Variants in HFM1 observed in about 807,000 individuals in gnomAD.
HFM1 encodes the protein helicase for meiosis 1, also known as probable ATP-dependent DNA helicase HFM1.
A neutral mutation model predicts 192.1 loss-of-function variants in HFM1; 169 were observed. The observed-to-expected ratio is 0.88, with a 90% CI of 0.78 to 1.00. HFM1 has a LOEUF of 1.00. Ranked by LOEUF, HFM1 falls within the 50% of genes least tolerant of loss-of-function variation. The probability of loss-of-function intolerance (pLI) is 0.00; values close to 1 mark genes in which losing one functional copy is unlikely to be tolerated. For missense variants in HFM1, 1,661 were observed against 1,668.0 expected, an observed-to-expected ratio of 1.00 and a Z score of 0.07; for synonymous variants, 525 against 537.8, an observed-to-expected ratio of 0.98 and a Z score of 0.33.
intron 36 of HFM1, 72 bp downstream of exon 36, chr1:91,265,945 A>G: frequency 6.4e-7 from 1 of 1,554,934 alleles, no homozygotes; most frequent in South Asian, 1.2e-5. Context: ...TAATAACTTG[A>G]TCCCCATCTC....
intron 38 of HFM1, 36 bp downstream of exon 38, chr1:91,262,205 T>G: frequency 1.2e-5 from 12 of 966,756 alleles, no homozygotes; most frequent in Non-Finnish European, 1.8e-5. Context: ...AGTTTTTTAT[T>G]GATATAATCT....
chr1:91,283,703 T>G (rs1667672072), intron 30 of HFM1, among the ~76,000 whole-genome samples: 1 of 152,148 alleles, frequency 6.6e-6, no homozygotes, highest in Non-Finnish European at 1.5e-5. Context: ...TAAAGTAAAT[T>G]TATTAATAAT....
In HFM1 at chr1:91,401,024, T is replaced by C. The variant is rs1382373708; in HGVS notation, c.59A>G (p.Asp20Gly). ...AAGGGAGACTTACTTTTCAACTTCA[T>C]CTGGTTTTTCAAAAAACAAATTTTC... ...SLENLFFEKP[D>G]EVENHPDNEK... Residue 20 changes from aspartate to glycine, a missense_variant, in exon 2 of 39, where the codon GAT becomes GGT. Asp to Gly is a moderately conservative substitution (Grantham distance 94, BLOSUM62 -1). Coordinates refer to ENST00000370425, the MANE Select transcript of HFM1 (RefSeq NM_001017975.6). 2 of 1,524,930 alleles carry C rather than the reference T, an allele frequency of 1.3e-6. No homozygotes were observed. Among genetic ancestry groups the C allele is most frequent in the Non-Finnish European group, 1.8e-6 (2 of 1,125,518 alleles). 94.5% of individuals were successfully genotyped at this position (1,524,930 alleles called of 1,614,324 possible).
In HFM1 at chr1:91,262,578, T is replaced by C; in HGVS notation, c.3989A>G (p.His1330Arg). 6.3e-7 allele frequency: 1 copy of C among 1,589,440 alleles called. No homozygotes were observed. Among genetic ancestry groups the C allele is most frequent in the Admixed American group, 1.7e-5 (1 of 59,056 alleles). The change falls in exon 37 of 39, where the codon CAT (histidine) becomes CGT (arginine). Residue 1330 changes from histidine to arginine, a missense_variant. Coordinates refer to ENST00000370425, the MANE Select transcript of HFM1 (RefSeq NM_001017975.6). ...REMSNSFVSS[H>R]EMSDISLSNS... ...TGATAAAGAAATATCCGACATCTCA[T>C]GTGATGAAACAAAACTAAAAATTAA...
chr1:91,343,553 G>A (rs1402254394), intron 19 of HFM1, 43 bp from the exon 20 acceptor site: 2 of 745,238 alleles, frequency 2.7e-6, no homozygotes, highest in South Asian at 4.2e-5. Context: ...AGTAAAATAG[G>A]GAAGTAGGGA....
intron 13 of HFM1, among the ~76,000 whole-genome samples, chr1:91,368,457 A>G (rs1188704390): frequency 6.6e-6 from 1 of 152,206 alleles, no homozygotes; most frequent in Non-Finnish European, 1.5e-5. Flanking sequence ...ATTCTTAAAG[A>G]AACGAATTTT....
At chr1:91,289,786 T>C (rs1051530752) in intron 30 of HFM1, among the ~76,000 whole-genome samples, 5 of 151,212 alleles carry the variant, frequency 3.3e-5, no homozygotes, top group African/African-American at 4.9e-5. Flanking sequence ...GGCAGGGAGG[T>C]TGCAGTGAGC....
chr1:91,388,666 G>A (rs1237369994), intron 4 of HFM1, among the ~76,000 whole-genome samples: 1 of 152,110 alleles, frequency 6.6e-6, no homozygotes, highest in African/African-American at 2.4e-5. Flanking sequence ...GAAAACTTAA[G>A]AGTAAATCTT....
chr1:91,356,335 C>G (rs2101783168), intron 13 of HFM1, among the ~76,000 whole-genome samples: 1 of 151,852 alleles, frequency 6.6e-6, no homozygotes, highest in East Asian at 1.9e-4. Flanking sequence ...CCTATGCCTC[C>G]CAGGTTCAAG....
chr1:91,395,851 CTT>C (rs1452773500), intron 3 of HFM1, among the ~76,000 whole-genome samples: 18 of 139,550 alleles, frequency 1.3e-4, no homozygotes, highest in Middle Eastern at 3.8e-3. Flanking sequence ...CAGTTTATTA[CTT>C]TTTTTTTTTT....
intron 4 of HFM1, among the ~76,000 whole-genome samples, chr1:91,393,260 C>A (rs746238915): frequency 7.9e-5 from 12 of 152,082 alleles, no homozygotes; most frequent in Non-Finnish European, 1.5e-4. Flanking sequence ...CTCATTCTTG[C>A]TCAATACTCT....
chr1:91,270,574 T>TAAAAAAAAAAAAAA (rs55948138), intron 34 of HFM1, among the ~76,000 whole-genome samples: 1 of 102,970 alleles, frequency 9.7e-6, no homozygotes, highest in African/African-American at 3.7e-5. Flanking sequence ...GTGAGAAGAA[T>TAAAAAAAAAAAAAA]AAAAAAAAAA....
intron 4 of HFM1, among the ~76,000 whole-genome samples, chr1:91,387,934 A>T (rs1360485536): frequency 1.7e-5 from 2 of 121,144 alleles, no homozygotes; most frequent in South Asian, 2.5e-4. Context: ...AAAAAATTAA[A>T]AAAAAAAAAA....
At chr1:91,392,748 A>C (rs1205924235) in intron 4 of HFM1, among the ~76,000 whole-genome samples, 8 of 152,192 alleles carry the variant, frequency 5.3e-5, no homozygotes, top group Non-Finnish European at 1.2e-4. Context: ...GTATAATTTA[A>C]AAAGAAAAGA....
At chr1:91,383,098 C>A (rs760527707) in intron 6 of HFM1, among the ~76,000 whole-genome samples, 1 of 152,102 alleles carries the variant, frequency 6.6e-6, no homozygotes, top group Non-Finnish European at 1.5e-5. Context: ...AGGTATAGGA[C>A]AATGAGTTTT....
At chr1:91,326,387 T>A (rs1043082956) in intron 20 of HFM1, among the ~76,000 whole-genome samples, 11 of 151,982 alleles carry the variant, frequency 7.2e-5, no homozygotes, top group African/African-American at 2.7e-4. Flanking sequence ...CAGCATAGAA[T>A]GGAGCTCCAA....
chr1:91,403,311 T>C (rs1406034368), intron 1 of HFM1, among the ~76,000 whole-genome samples: 2 of 152,106 alleles, frequency 1.3e-5, no homozygotes, highest in African/African-American at 4.8e-5. Context: ...TAGTGTCAAA[T>C]AAAAATAATT....
chr1:91,265,139 G>C (rs1257051238), intron 36 of HFM1, among the ~76,000 whole-genome samples: 2 of 152,104 alleles, frequency 1.3e-5, no homozygotes, highest in Non-Finnish European at 2.9e-5. Context: ...ACTGCTGCTA[G>C]GATGATTTTT....
At chr1:91,383,219 A>AT (rs1557501495) in intron 6 of HFM1, among the ~76,000 whole-genome samples, 1 of 152,208 alleles carries the variant, frequency 6.6e-6, no homozygotes, top group Non-Finnish European at 1.5e-5. Flanking sequence ...CTAATATAGC[A>AT]TAAAAATCCT....
Sources: gnomAD v4.1 joint callset for allele counts (sites outside exome capture counted in the v4.1 genomes callset) on GRCh38, gnomAD v4.1.1 for gene constraint, MANE v1.5 for transcripts, NCBI Gene and HGNC (gene_info 2026-07-23, HGNC 2026-07-21) for gene names.